The following PARD3B variants were observed in gnomAD, a reference collection of about 807,000 sequenced individuals.
The protein encoded by PARD3B is partitioning defective 3 homolog B.
Under a neutral mutation model 130.2 loss-of-function variants are expected in PARD3B, and 103 were observed. The ratio of observed to expected loss-of-function variants is 0.79; its 90% CI spans 0.67 to 0.93. The LOEUF is 0.93. Ranked by LOEUF, PARD3B falls within the 40% of genes least tolerant of loss-of-function variation. The pLI is 0.00. For synonymous variants in PARD3B, 583 were observed against 553.2 expected, an observed-to-expected ratio of 1.05 and a Z score of -0.76; for missense variants, 1,609 against 1,499.2, an observed-to-expected ratio of 1.07 and a Z score of -1.21.
At chr2:205,381,070 T>TATATAAAGA (rs1215104790) in intron 18 of PARD3B, among the ~76,000 whole-genome samples, 5 of 32,594 alleles carry the variant, frequency 1.5e-4, no homozygotes, top group East Asian at 6.5e-4. Flanking sequence ...GAATATATAT[T>TATATAAAGA]ATATATATTA....
At chr2:205,529,171 G>A (rs1414850285) in intron 21 of PARD3B, among the ~76,000 whole-genome samples, 1 of 152,234 alleles carries the variant, frequency 6.6e-6, no homozygotes, top group Non-Finnish European at 1.5e-5. Context: ...AGCTTGGCAT[G>A]GACTGGGGAT....
chr2:204,698,250 C>A lies in PARD3B; in HGVS notation c.222+11968C>A, dbSNP rs747934570. Reference sequence around the variant, plus strand: ...CTATTTTTTGGGCTCCTCTTTATTTCCATTTGATTAGGACATATTTGTCCT... The same window carrying A: ...CTATTTTTTGGGCTCCTCTTTATTTACATTTGATTAGGACATATTTGTCCT... On this transcript the variant is annotated intron_variant, in intron 2 of 22. Transcript: ENST00000406610. Among the ~76,000 whole-genome samples the A allele has an allele frequency of 3.3e-5, 5 of 152,166 alleles. No homozygotes were observed. In the South Asian group the frequency reaches 8.3e-4, roughly 25 times the overall value.
chr2:204,620,261 C>A (rs1293846399), intron 1 of PARD3B, among the ~76,000 whole-genome samples: 1 of 152,200 alleles, frequency 6.6e-6, no homozygotes, highest in South Asian at 2.1e-4. Flanking sequence ...CTTGGGCCAC[C>A]CAAAGTGCTG....
In PARD3B at chr2:205,281,416, T is replaced by C. The variant is rs980283350; in HGVS notation, c.2186-19114T>C. Among the ~76,000 whole-genome samples the C allele has an allele frequency of 2.0e-5, 3 of 152,168 alleles. No individual in the cohort carries two copies. The highest frequency in any genetic ancestry group is 4.4e-5 in the Non-Finnish European group (3 of 68,004). ...CTAAGTCATTTTCTGGTCTTCATAT[T>C]GCACACAAAAGTTCTCTGAAAACGA... On this transcript the variant is annotated intron_variant, in intron 16 of 22. Coordinates refer to ENST00000406610, the MANE Select transcript of PARD3B (RefSeq NM_001302769.2). This position sits in a 1 kb window ranked among gnomAD's most constrained non-coding sequence, Gnocchi z 4.2.
intron 2 of PARD3B, among the ~76,000 whole-genome samples, chr2:204,821,836 C>G (rs1006498757): frequency 1.3e-5 from 2 of 152,144 alleles, no homozygotes; most frequent in African/African-American, 4.8e-5. Flanking sequence ...TGTGAGGCCA[C>G]CCCAGCCATG....
chr2:205,250,131 TTTTC>T (rs1445650310), intron 16 of PARD3B, among the ~76,000 whole-genome samples: 1 of 152,062 alleles, frequency 6.6e-6, no homozygotes, highest in East Asian at 1.9e-4. Flanking sequence ...TTCTTTCTTA[TTTTC>T]TTTCTGTCTA....
chr2:205,438,867 A>C (rs1381104127), intron 19 of PARD3B, among the ~76,000 whole-genome samples: 59 of 152,228 alleles, frequency 3.9e-4, no homozygotes, highest in Admixed American at 3.9e-3. Context: ...ATATCCTGGC[A>C]TTTGTTTTCA....
In PARD3B at chr2:205,274,648, G is replaced by GA. The variant is rs1272340834; in HGVS notation, c.2186-25880dup. On this transcript the variant is annotated intron_variant, in intron 16 of 22. Coordinates refer to ENST00000406610, the MANE Select transcript of PARD3B (RefSeq NM_001302769.2). This position sits in a 1 kb window ranked among gnomAD's most constrained non-coding sequence, Gnocchi z 4.2. Reference sequence around the variant, plus strand: ...CTTTCTATCTGAATATTATCTATCTGAATATTAATATCAATTATCTACCTG... The same window carrying GA: ...CTTTCTATCTGAATATTATCTATCTGAAATATTAATATCAATTATCTACCTG... 6.6e-6 allele frequency among the ~76,000 whole-genome samples: 1 copy of GA among 151,376 alleles called. No homozygotes were observed. Among genetic ancestry groups the GA allele is most frequent in the African/African-American group, 2.4e-5 (1 of 41,130 alleles).
In PARD3B at chr2:204,606,672, C is replaced by T. The variant is rs1393192117; in HGVS notation, c.120+60553C>T. 2.0e-5 allele frequency among the ~76,000 whole-genome samples: 3 copies of T among 152,100 alleles called. No homozygotes were observed. The highest frequency in any genetic ancestry group is 7.2e-5 in the African/African-American group (3 of 41,412). On this transcript the variant is annotated intron_variant, in intron 1 of 22. Transcript: ENST00000406610. The surrounding 1 kb of genome is among the most constrained non-coding windows in gnomAD (Gnocchi z 4.0). Reference sequence around the variant, plus strand: ...GCTCCAGTGGCTACCACAGATGACGCACTGGTCTCATTACCTATTCCGGTA... The same window carrying T: ...GCTCCAGTGGCTACCACAGATGACGTACTGGTCTCATTACCTATTCCGGTA...
chr2:204,716,287 A>G (rs949070261), intron 2 of PARD3B, among the ~76,000 whole-genome samples: 2 of 152,132 alleles, frequency 1.3e-5, no homozygotes, highest in Admixed American at 1.3e-4. Context: ...GATCAGCAAC[A>G]TGAGCATCAC....
chr2:205,289,106 ACTT>A (rs1345848025), intron 16 of PARD3B, among the ~76,000 whole-genome samples: 1 of 152,198 alleles, frequency 6.6e-6, no homozygotes, highest in East Asian at 1.9e-4. Flanking sequence ...TTAGCATGTT[ACTT>A]CTTCATGAAA....
intron 19 of PARD3B, 49 bp downstream of exon 19, chr2:205,401,172 G>A: frequency 7.1e-7 from 1 of 1,417,850 alleles, no homozygotes; most frequent in South Asian, 1.2e-5. Flanking sequence ...TATGGTCTGG[G>A]TTTAATTTAG....
intron 1 of PARD3B, among the ~76,000 whole-genome samples, chr2:204,618,524 C>T (rs889377189): frequency 9.9e-5 from 15 of 152,168 alleles, no homozygotes; most frequent in African/African-American, 3.6e-4. Flanking sequence ...GCAACAGTGA[C>T]AGTGTCACCT....
chr2:205,589,581 T>A lies in PARD3B; in HGVS notation c.3261-25875T>A, dbSNP rs1424902600. Among the ~76,000 whole-genome samples the A allele has an allele frequency of 2.0e-5, 3 of 152,344 alleles. No homozygotes were observed. The East Asian group carries it at 5.8e-4, about 29-fold the overall frequency. On this transcript the variant is annotated intron_variant, in intron 22 of 22. Coordinates refer to ENST00000406610, the MANE Select transcript of PARD3B (RefSeq NM_001302769.2). This position sits in a 1 kb window ranked among gnomAD's most constrained non-coding sequence, Gnocchi z 4.1. ...TCATTTTGGTACCTTCCTTTTTATT[T>A]ACTCCCTTGGGTCTGAGCAGGCAAG... is the stretch of plus-strand genomic sequence containing the variant.
chr2:204,581,974 G>C (rs548990456), intron 1 of PARD3B, among the ~76,000 whole-genome samples: 66 of 152,268 alleles, frequency 4.3e-4, no homozygotes, highest in African/African-American at 1.5e-3. Context: ...CACAGTATAA[G>C]GTTGCCGTGA....
chr2:204,753,476 A>G (rs1027089699), intron 2 of PARD3B, among the ~76,000 whole-genome samples: 2 of 152,090 alleles, frequency 1.3e-5, no homozygotes, highest in East Asian at 1.9e-4. Context: ...TGGCTTGTCT[A>G]TTATCTGCAG....
rs73053994 is a variant in PARD3B at position 205,425,972 on chromosome 2, T to C, written c.2742-14398T>C. ...ATGTCAGTATTATAGAATGTCAAAT[T>C]TACTGTACAGAAATATATGTATTAT... On this transcript the variant is annotated intron_variant, in intron 19 of 22. Transcript: ENST00000406610. 8.0e-3 allele frequency among the ~76,000 whole-genome samples: 1,225 copies of C among 152,244 alleles called. 20 individuals carry two copies. Among genetic ancestry groups the C allele is most frequent in the African/African-American group, 0.028 (1,168 of 41,534 alleles).
At chr2:204,811,787 G>A (rs990601699) in intron 2 of PARD3B, among the ~76,000 whole-genome samples, 9 of 151,566 alleles carry the variant, frequency 5.9e-5, no homozygotes, top group African/African-American at 2.2e-4. Flanking sequence ...ATTTTTCTCC[G>A]GCCTCAGTCT....
intron 20 of PARD3B, among the ~76,000 whole-genome samples, chr2:205,498,382 GT>G (rs1048479972): frequency 3.6e-4 from 54 of 150,884 alleles, no homozygotes; most frequent in African/African-American, 1.3e-3. Context: ...TGCACCTGTA[GT>G]CCTAGCTACT....
Sources: gnomAD v4.1 joint callset for allele counts (sites outside exome capture counted in the v4.1 genomes callset) on GRCh38, gnomAD v4.1.1 for gene constraint, Gnocchi (gnomAD v3.1) non-coding constraint, MANE v1.5 for transcripts, NCBI Gene and HGNC (gene_info 2026-07-23, HGNC 2026-07-21) for gene names.